ZBTB7C: variants seen among roughly 807,000 people sequenced by gnomAD.
The protein encoded by ZBTB7C is zinc finger and BTB domain containing 7C.
In ZBTB7C, 8 loss-of-function variants were observed where a neutral mutation model predicts 25.7. That is an observed-to-expected ratio of 0.31 (90% CI 0.18 to 0.56). The LOEUF (loss-of-function observed/expected upper bound fraction) is 0.56. ZBTB7C is among the 20% of genes least tolerant of loss of function. The pLI is 0.91. For synonymous variants in ZBTB7C, 394 were observed against 369.0 expected (o/e 1.07, Z -0.78); for missense variants, 824 against 855.2 (o/e 0.96, Z 0.46).
chr18:48,226,593 C>G (rs1308719352), intron 2 of ZBTB7C, among the ~76,000 whole-genome samples: 1 of 152,176 alleles, frequency 6.6e-6, no homozygotes, highest in Non-Finnish European at 1.5e-5. Flanking sequence ...GTAAAATATG[C>G]ATGACACACA....
At chr18:48,306,168 C>T (rs2045669202) in intron 2 of ZBTB7C, among the ~76,000 whole-genome samples, 1 of 152,188 alleles carries the variant, frequency 6.6e-6, no homozygotes, top group South Asian at 2.1e-4. Context: ...GCACCCTCTG[C>T]TATGTAGACA....
chr18:48,075,339 A>T (rs540728046), intron 3 of ZBTB7C, among the ~76,000 whole-genome samples: 2 of 152,324 alleles, frequency 1.3e-5, no homozygotes, highest in South Asian at 4.1e-4. Context: ...AGATCTGCTC[A>T]TTCTTATCCA....
chr18:48,272,909 C>T (rs537606801), intron 2 of ZBTB7C, among the ~76,000 whole-genome samples: 3 of 152,240 alleles, frequency 2.0e-5, no homozygotes, highest in South Asian at 4.2e-4. Context: ...CAAAAGGCTA[C>T]ATATTGTATG....
At chr18:48,104,694 C>G (rs1320133914) in intron 3 of ZBTB7C, among the ~76,000 whole-genome samples, 1 of 152,134 alleles carries the variant, frequency 6.6e-6, no homozygotes, top group Non-Finnish European at 1.5e-5. Context: ...TATGAGGATG[C>G]AAAAGAAGCA....
intron 2 of ZBTB7C, among the ~76,000 whole-genome samples, chr18:48,214,479 G>A (rs1400213398): frequency 6.6e-6 from 1 of 152,164 alleles, no homozygotes; most frequent in East Asian, 1.9e-4. Context: ...AAAGATACGG[G>A]TCACAAAGCC....
intron 3 of ZBTB7C, among the ~76,000 whole-genome samples, chr18:48,107,444 TG>T (rs2039073868): frequency 6.7e-6 from 1 of 149,668 alleles, no homozygotes; most frequent in Non-Finnish European, 1.5e-5. Flanking sequence ...GGAGGAGGGC[TG>T]GGACCAGCCA....
chr18:48,180,232 C>CTCCT, intron 3 of ZBTB7C: 1 of 347,900 alleles, frequency 2.9e-6, no homozygotes, highest in South Asian at 2.1e-5. Context: ...CTTTCCTTCC[C>CTCCT]TCCTTCCTTC....
intron 3 of ZBTB7C, among the ~76,000 whole-genome samples, chr18:48,101,021 T>G (rs2038811548): frequency 6.6e-6 from 1 of 152,102 alleles, no homozygotes; most frequent in South Asian, 2.1e-4. Flanking sequence ...GTCGCCACAC[T>G]ACTGGGCACA....
intron 3 of ZBTB7C, among the ~76,000 whole-genome samples, chr18:48,131,414 G>C (rs1041419587): frequency 1.3e-5 from 2 of 152,094 alleles, no homozygotes; most frequent in African/African-American, 4.8e-5. Flanking sequence ...CACTGAACAT[G>C]ATGCCACAGA....
chr18:48,092,063 A>G (rs895030609), intron 3 of ZBTB7C, among the ~76,000 whole-genome samples: 2 of 152,162 alleles, frequency 1.3e-5, no homozygotes, highest in Non-Finnish European at 2.9e-5. Context: ...AGAATCATTA[A>G]CATGCTGATA....
At chr18:48,085,840 C>T (rs2038171343) in intron 3 of ZBTB7C, among the ~76,000 whole-genome samples, 1 of 152,178 alleles carries the variant, frequency 6.6e-6, no homozygotes, top group African/African-American at 2.4e-5. Context: ...GGCCAGGGGC[C>T]CTGCCTGGCT....
rs2042261283 is a variant in ZBTB7C, at chr18:48,194,046, G to A, written c.-78-8051C>T. Reference sequence around the variant, plus strand: ...TCCACATTTCTGTGACCTTGGCCTAGAATCTTAAAATAGCCCTGAGAAAGA... The same window carrying A: ...TCCACATTTCTGTGACCTTGGCCTAAAATCTTAAAATAGCCCTGAGAAAGA... On this transcript the variant is annotated intron_variant, in intron 2 of 4. Coordinates refer to ENST00000590800, the MANE Select transcript of ZBTB7C (RefSeq NM_001318841.2). Among the ~76,000 whole-genome samples the A allele has an allele frequency of 2.6e-5, 4 of 152,344 alleles. No homozygotes were observed. In the South Asian group the frequency reaches 8.3e-4, roughly 32 times the overall value.
At chr18:48,219,596 T>G (rs1286162224) in intron 2 of ZBTB7C, among the ~76,000 whole-genome samples, 3 of 152,156 alleles carry the variant, frequency 2.0e-5, no homozygotes, top group Non-Finnish European at 4.4e-5. Context: ...AAAGCCACAC[T>G]CAGGCATTGA....
intron 2 of ZBTB7C, among the ~76,000 whole-genome samples, chr18:48,245,518 A>ATGTTACATAC (rs5824739): frequency 6.9e-6 from 1 of 145,202 alleles, no homozygotes; most frequent in Admixed American, 6.8e-5. Context: ...GAAAAAATGA[A>ATGTTACATAC]TTTTCTATGG....
At chr18:48,049,131 A>C (rs1568176343) in intron 3 of ZBTB7C, among the ~76,000 whole-genome samples, 1 of 152,168 alleles carries the variant, frequency 6.6e-6, no homozygotes, top group Non-Finnish European at 1.5e-5. Context: ...CTCTTGCATA[A>C]ATAGGTTAAT....
At position 48,171,188 on chromosome 18, in the gene ZBTB7C, C is replaced by T. The variant is rs1189368163; in HGVS notation, c.-17+14746G>A. 2.0e-5 allele frequency among the ~76,000 whole-genome samples: 3 copies of T among 152,236 alleles called. No individual in the cohort carries two copies. In the East Asian group the frequency reaches 5.8e-4, roughly 29 times the overall value. ...AGCCTTGGAGCCCCATGGTCCAGTG[C>T]TCACAGGCCTGGCCCCAAGTTAAAC... On this transcript the variant is annotated intron_variant, in intron 3 of 4. Coordinates refer to ENST00000590800, the MANE Select transcript of ZBTB7C (RefSeq NM_001318841.2).
At position 48,226,129 on chromosome 18, in the gene ZBTB7C, C is replaced by G. The variant is rs144927663; in HGVS notation, c.-78-40134G>C. Among the ~76,000 whole-genome samples, 1,165 of 152,306 alleles carry G rather than the reference C, an allele frequency of 7.6e-3. 7 individuals are homozygous for G. The highest frequency in any genetic ancestry group is 0.014 in the Non-Finnish European group (930 of 68,032). On this transcript the variant is annotated intron_variant, in intron 2 of 4. Transcript: ENST00000590800. The stretch of plus-strand genomic sequence containing the variant: ...TTCCAGCTGAACAAAGACATGAGAG[C>G]AAACCCAACCAACCCATGTGGAGCC...
At chr18:48,066,056 G>C (rs975893654) in intron 3 of ZBTB7C, among the ~76,000 whole-genome samples, 3 of 152,206 alleles carry the variant, frequency 2.0e-5, no homozygotes, top group African/African-American at 7.2e-5. Flanking sequence ...GAGGTCTTCT[G>C]TCTCTGCATG....
chr18:48,258,426 A>C (rs1192181654), intron 2 of ZBTB7C, among the ~76,000 whole-genome samples: 1 of 152,262 alleles, frequency 6.6e-6, no homozygotes, highest in Non-Finnish European at 1.5e-5. Flanking sequence ...CCTACATACT[A>C]GCAACAATAG....
Sources: allele counts gnomAD v4.1 joint callset (sites outside exome capture counted in the v4.1 genomes callset), GRCh38; gene constraint gnomAD v4.1.1; transcripts MANE v1.5; gene names NCBI Gene and HGNC (gene_info 2026-07-23, HGNC 2026-07-21).